SLC44A5: variants seen among roughly 807,000 people sequenced by gnomAD.
SLC44A5 encodes choline transporter-like protein 5.
SLC44A5 carries 57 observed loss-of-function variants against 101.8 expected under a neutral mutation model. The ratio of observed to expected loss-of-function variants is 0.56; its 90% confidence interval spans 0.45 to 0.70. The LOEUF is 0.70. Ranked by LOEUF, SLC44A5 falls within the 30% of genes least tolerant of loss-of-function variation. The pLI is 0.00. For missense variants in SLC44A5, 737 were observed against 853.1 expected (o/e 0.86, Z 1.70); for synonymous variants, 281 against 290.9 (o/e 0.97, Z 0.35).
intron 12 of SLC44A5, among the ~76,000 whole-genome samples, chr1:75,232,341 G>T (rs1004503684): frequency 2.6e-5 from 4 of 152,052 alleles, no homozygotes; most frequent in Non-Finnish European, 4.4e-5. Flanking sequence ...CCTTCCTGAT[G>T]ACAATGCAAG....
At chr1:75,689,780 T>C in the SLC44A5 span, among the ~76,000 whole-genome samples, 1 of 152,222 alleles carries the variant, frequency 6.6e-6, no homozygotes, top group African/African-American at 2.4e-5. Flanking sequence ...TGTGATCTGG[T>C]TCCTACATTT....
At chr1:75,622,436 A>T in the SLC44A5 span, among the ~76,000 whole-genome samples, 1 of 152,120 alleles carries the variant, frequency 6.6e-6, no homozygotes, top group Non-Finnish European at 1.5e-5. Context: ...GTTAATTAAT[A>T]GGGCACTTCT....
At chr1:75,204,646 GCTAA>G (rs1236869741) in intron 23 of SLC44A5, 1 of 151,172 alleles carries the variant, frequency 6.6e-6, no homozygotes, top group Admixed American at 6.6e-5. Flanking sequence ...ACCACACTTG[GCTAA>G]CTTTTATATT....
intron 2 of SLC44A5, among the ~76,000 whole-genome samples, chr1:75,443,089 G>C (rs1246139116): frequency 6.6e-6 from 1 of 152,092 alleles, no homozygotes; most frequent in Non-Finnish European, 1.5e-5. Flanking sequence ...GGAACATTAA[G>C]TTAATCATAA....
chr1:75,231,232 C>T (rs1647536248), intron 12 of SLC44A5, among the ~76,000 whole-genome samples: 1 of 152,134 alleles, frequency 6.6e-6, no homozygotes, highest in South Asian at 2.1e-4. Flanking sequence ...GTCTAAGTCT[C>T]CCGATCCCAG....
the SLC44A5 span, among the ~76,000 whole-genome samples, chr1:75,671,820 G>A: frequency 3.9e-5 from 6 of 152,160 alleles, no homozygotes; most frequent in Non-Finnish European, 1.5e-5. Flanking sequence ...TTCTGATACA[G>A]GCTGAAGTTT....
At chr1:75,225,006 G>A (rs1189082789) in intron 13 of SLC44A5, among the ~76,000 whole-genome samples, 1 of 152,108 alleles carries the variant, frequency 6.6e-6, no homozygotes, top group Admixed American at 6.5e-5. Flanking sequence ...TAGCCTACAT[G>A]TACAGTGCTT....
At chr1:75,661,681 CAAAACATTTG>C in the SLC44A5 span, among the ~76,000 whole-genome samples, 1 of 151,666 alleles carries the variant, frequency 6.6e-6, no homozygotes, top group African/African-American at 2.4e-5. Context: ...ATTAAAAAAA[CAAAACATTTG>C]AATAGCCATT....
chr1:75,659,501 G>GAAGGAAGGAAGA, the SLC44A5 span, among the ~76,000 whole-genome samples: 1 of 45,368 alleles, frequency 2.2e-5, no homozygotes, highest in Non-Finnish European at 6.8e-5. Flanking sequence ...AGGCAGGCAG[G>GAAGGAAGGAAGA]CAGGCAGGCA....
At chr1:75,272,003 C>G (rs1191637352) in intron 6 of SLC44A5, among the ~76,000 whole-genome samples, 2 of 152,028 alleles carry the variant, frequency 1.3e-5, no homozygotes, top group Non-Finnish European at 2.9e-5. Context: ...TTAATTATGG[C>G]CATTCTTGCA....
At chr1:75,225,650 A>G (rs1008460876) in intron 13 of SLC44A5, among the ~76,000 whole-genome samples, 1 of 152,168 alleles carries the variant, frequency 6.6e-6, no homozygotes, top group African/African-American at 2.4e-5. Flanking sequence ...AACTCTGCCT[A>G]CTTTCAGTGT....
the SLC44A5 span, among the ~76,000 whole-genome samples, chr1:75,633,828 G>C: frequency 6.6e-6 from 1 of 152,114 alleles, no homozygotes; most frequent in South Asian, 2.1e-4. Context: ...TCCAGTCTTT[G>C]CCCATTCAGT....
At chr1:75,333,389 G>T (rs1038378595) in intron 4 of SLC44A5, among the ~76,000 whole-genome samples, 1 of 151,680 alleles carries the variant, frequency 6.6e-6, no homozygotes, top group Non-Finnish European at 1.5e-5. Flanking sequence ...GAAAGATATA[G>T]GTTAACACTC....
chr1:75,558,358 G>A (rs535797157), intron 1 of SLC44A5, among the ~76,000 whole-genome samples: 5 of 152,196 alleles, frequency 3.3e-5, no homozygotes, highest in Admixed American at 1.3e-4. Flanking sequence ...TTATGGAGAC[G>A]TGTCAATAAT....
chr1:75,213,681 A>G, intron 22 of SLC44A5, 24 bp downstream of exon 22: 1 of 1,488,190 alleles, frequency 6.7e-7, no homozygotes, highest in Non-Finnish European at 9.4e-7. Flanking sequence ...AGCAGCCTGT[A>G]CTGACTCAGA....
intron 7 of SLC44A5, among the ~76,000 whole-genome samples, chr1:75,249,197 G>A (rs1284787319): frequency 6.6e-6 from 1 of 152,042 alleles, no homozygotes; most frequent in African/African-American, 2.4e-5. Flanking sequence ...AAAAGTCTTT[G>A]AGGGAGATGA....
intron 11 of SLC44A5, 144 bp from the exon 12 acceptor site, chr1:75,234,242 A>G: frequency 1.5e-6 from 1 of 655,934 alleles, no homozygotes; most frequent in South Asian, 1.9e-5. Context: ...ATAATGTTAA[A>G]AAGTGTAAAC....
At chr1:75,247,808 A>T (rs979250145) in intron 7 of SLC44A5, among the ~76,000 whole-genome samples, 1 of 149,436 alleles carries the variant, frequency 6.7e-6, no homozygotes, top group Non-Finnish European at 1.5e-5. Context: ...AATAATGTTG[A>T]GGTCGATGGT....
chr1:75,448,869 G>C (rs1665734231), intron 2 of SLC44A5, among the ~76,000 whole-genome samples: 1 of 152,016 alleles, frequency 6.6e-6, no homozygotes, highest in Admixed American at 6.6e-5. Flanking sequence ...GAACTCTAAA[G>C]TCCTACAGAT....
Sources: gnomAD v4.1 joint callset for allele counts (sites outside exome capture counted in the v4.1 genomes callset) on GRCh38, gnomAD v4.1.1 for gene constraint, MANE v1.5 for transcripts, NCBI Gene and HGNC (gene_info 2026-07-23, HGNC 2026-07-21) for gene names.